MALRD1: variants seen among roughly 807,000 people sequenced by gnomAD.
MALRD1 encodes the protein MAM and LDL receptor class A domain containing 1.
Under a neutral mutation model 242.1 loss-of-function variants are expected in MALRD1, and 247 were observed. That is an observed-to-expected ratio of 1.02 (90% CI 0.92 to 1.13). The LOEUF is 1.13. Among genes scored for constraint, MALRD1 ranks in the 50% most tolerant of loss-of-function variants. The pLI is 0.00. For missense variants in MALRD1, 2,989 were observed against 2,533.1 expected (o/e 1.18, Z -3.86); for synonymous variants, 995 against 866.6 (o/e 1.15, Z -2.60).
chr10:19,599,303 T>C (rs1337515314), intron 34 of MALRD1, among the ~76,000 whole-genome samples: 1 of 152,130 alleles, frequency 6.6e-6, no homozygotes, highest in East Asian at 1.9e-4. Context: ...TTTTCTAGCA[T>C]TGGAAGTGTT....
intron 2 of MALRD1, among the ~76,000 whole-genome samples, chr10:19,076,627 T>A (rs1835327450): frequency 6.6e-6 from 1 of 152,042 alleles, no homozygotes; most frequent in African/African-American, 2.4e-5. Context: ...TCAATGCGAT[T>A]GCATTGATCT....
At chr10:19,341,764 G>A (rs566808947) in intron 24 of MALRD1, among the ~76,000 whole-genome samples, 7 of 151,900 alleles carry the variant, frequency 4.6e-5, no homozygotes, top group Admixed American at 2.6e-4. Context: ...AACGATATGC[G>A]ATGTAACTGA....
At position 19,591,497 on chromosome 10, in the gene MALRD1, G is replaced by GT. The variant is rs35785107; in HGVS notation, c.5681-3677dup. Among the ~76,000 whole-genome samples, 1,155 of 116,266 alleles carry GT rather than the reference G, an allele frequency of 9.9e-3. 7 individuals carry two copies. Among genetic ancestry groups the GT allele is most frequent in the Middle Eastern group, 0.02 (4 of 198 alleles). The allele number at this position is 116,266 out of a possible 152,430, so 76.3% of individuals were successfully genotyped here. ...TCTTTCCTTCCTTCCTTTTATTTTA[G>GT]TTTTTTTTTTTTTTTTTTTTGACCA... On this transcript the variant is annotated intron_variant, in intron 33 of 39. Coordinates refer to ENST00000454679, the MANE Select transcript of MALRD1 (RefSeq NM_001142308.3).
Position 19,133,957 on chromosome 10 carries a change from G to GA in MALRD1, c.1203+20dup, listed in dbSNP as rs777639768. The GA allele has an allele frequency of 0.039, 36,031 of 914,430 alleles. No individual in the cohort carries two copies. The highest frequency in any genetic ancestry group is 0.045 in the Middle Eastern group (100 of 2,240). The allele number at this position is 914,430 out of a possible 1,614,324, so 56.6% of individuals were successfully genotyped here. A position where few individuals can be genotyped will look rare whatever the true frequency, so the allele number is the denominator to read the frequency against. Reference sequence around the variant, plus strand: ...ATCTGAAGACATTTAAGGTATGAAAGAAAAAAAAAAAGTATTTTTTTATCA... The same window carrying GA: ...ATCTGAAGACATTTAAGGTATGAAAGAAAAAAAAAAAAGTATTTTTTTATCA... On this transcript the variant is annotated intron_variant, in intron 9 of 39. Transcript: ENST00000454679.
intron 4 of MALRD1, among the ~76,000 whole-genome samples, chr10:19,102,032 CTA>C (rs1365150559): frequency 7.5e-6 from 1 of 133,724 alleles, no homozygotes; most frequent in Non-Finnish European, 1.5e-5. Context: ...TAATTATAAA[CTA>C]TATTTAATTA....
At chr10:19,391,979 GA>G (rs1291237544) in intron 28 of MALRD1, among the ~76,000 whole-genome samples, 3 of 152,292 alleles carry the variant, frequency 2.0e-5, no homozygotes, top group African/African-American at 7.2e-5. Flanking sequence ...TTACATGCAT[GA>G]CGTTCAAGTC....
chr10:19,056,761 C>T (rs1834681381), intron 1 of MALRD1, among the ~76,000 whole-genome samples: 1 of 152,196 alleles, frequency 6.6e-6, no homozygotes, highest in East Asian at 1.9e-4. Context: ...TGTTTTGTCC[C>T]TGATCTTAGC....
intron 2 of MALRD1, among the ~76,000 whole-genome samples, chr10:19,075,503 G>A (rs1835289528): frequency 6.6e-6 from 1 of 151,988 alleles, no homozygotes; most frequent in African/African-American, 2.4e-5. Context: ...GAAGAAAGGG[G>A]ATCACAAGAA....
At chr10:19,331,663 A>T (rs1025953508) in intron 24 of MALRD1, 81 bp downstream of exon 24, 5 of 1,157,954 alleles carry the variant, frequency 4.3e-6, no homozygotes, top group Non-Finnish European at 6.2e-6. Context: ...TTGTTGAAAC[A>T]TGCAGAGTGT....
chr10:19,152,047 G>A (rs2131457718), intron 11 of MALRD1, among the ~76,000 whole-genome samples: 1 of 152,236 alleles, frequency 6.6e-6, no homozygotes. Context: ...AGCCAGATGT[G>A]AACACTTTAA....
chr10:19,390,620 G>T (rs1846299889), intron 28 of MALRD1, among the ~76,000 whole-genome samples: 2 of 152,036 alleles, frequency 1.3e-5, no homozygotes, highest in Admixed American at 1.3e-4. Context: ...GAAGAATCTA[G>T]GTAGAATTCC....
At chr10:19,488,557 G>A (rs1266608741) in intron 29 of MALRD1, 1 of 152,854 alleles carries the variant, frequency 6.5e-6, no homozygotes, top group Non-Finnish European at 1.5e-5. Flanking sequence ...GGGCACCTGG[G>A]GCTCTGGAGG....
At chr10:19,385,616 C>T (rs2130800912) in intron 26 of MALRD1, among the ~76,000 whole-genome samples, 1 of 152,066 alleles carries the variant, frequency 6.6e-6, no homozygotes, top group South Asian at 2.1e-4. Context: ...GTTTATTTAT[C>T]TGAGTCTTCT....
At chr10:19,455,982 G>C (rs755202626) in intron 29 of MALRD1, among the ~76,000 whole-genome samples, 1 of 152,124 alleles carries the variant, frequency 6.6e-6, no homozygotes, top group Non-Finnish European at 1.5e-5. Context: ...ACTGCTCAGA[G>C]ACACTGGTAA....
intron 36 of MALRD1, among the ~76,000 whole-genome samples, chr10:19,682,123 G>A (rs1842396988): frequency 6.6e-6 from 1 of 152,004 alleles, no homozygotes; most frequent in Non-Finnish European, 1.5e-5. Context: ...GACTTATTAG[G>A]ACAATTCAAG....
At chr10:19,167,045 C>G (rs1449457591) in intron 13 of MALRD1, among the ~76,000 whole-genome samples, 1 of 152,140 alleles carries the variant, frequency 6.6e-6, no homozygotes, top group Non-Finnish European at 1.5e-5. Context: ...CAGCCATGAA[C>G]ATGGGCTCTG....
chr10:19,095,700 A>C (rs190311393), intron 4 of MALRD1, among the ~76,000 whole-genome samples: 1 of 152,198 alleles, frequency 6.6e-6, no homozygotes, highest in Non-Finnish European at 1.5e-5. Context: ...GGTATGCAGA[A>C]TGAGTACCCC....
intron 18 of MALRD1, among the ~76,000 whole-genome samples, chr10:19,219,655 C>G (rs1042076103): frequency 1.3e-5 from 2 of 152,146 alleles, no homozygotes; most frequent in Non-Finnish European, 2.9e-5. Context: ...AATTCTTGAG[C>G]TCAAGAGATC....
At chr10:19,212,270 G>A (rs72786569) in intron 18 of MALRD1, among the ~76,000 whole-genome samples, 19,752 of 152,016 alleles carry the variant, frequency 0.13, 1,381 homozygotes, top group Middle Eastern at 0.2. Flanking sequence ...AACAACCACC[G>A]AACTGCTTTC....
Sources: gnomAD v4.1 joint callset for allele counts (sites outside exome capture counted in the v4.1 genomes callset) on GRCh38, gnomAD v4.1.1 for gene constraint, MANE v1.5 for transcripts, NCBI Gene and HGNC (gene_info 2026-07-23, HGNC 2026-07-21) for gene names.